The following WFDC5 variants were observed in gnomAD, a reference collection of about 807,000 sequenced individuals.
The protein encoded by WFDC5 is WAP four-disulfide core domain protein 5.
Under a neutral mutation model 15.7 loss-of-function variants are expected in WFDC5, and 15 were observed. The observed-to-expected ratio is 0.96, with a 90% CI of 0.64 to 1.47. The LOEUF is 1.47. Ranked by LOEUF, WFDC5 falls within the 40% of genes most tolerant of loss-of-function variation. The pLI, the probability that WFDC5 is intolerant of heterozygous loss-of-function variation, is 0.00. For missense variants in WFDC5, 280 were observed against 258.0 expected (o/e 1.09, Z -0.59); for synonymous variants, 109 against 107.7 (o/e 1.01, Z -0.07).
chr20:45,109,679 G>A (rs537784023), exon 4 of WFDC5: 2 of 699,780 alleles, frequency 2.9e-6, no homozygotes, highest in South Asian at 3.0e-5. Flanking sequence ...GGGTCTGCCT[G>A]AATTGGGCAT....
At chr20:45,110,919 GT>G in intron 1 of WFDC5, 144 bp from the exon 2 acceptor site, 1 of 1,182,484 alleles carries the variant, frequency 8.5e-7, no homozygotes, top group Non-Finnish European at 1.2e-6. Context: ...TTGTTTGTTT[GT>G]TTATAATGAC....
upstream of WFDC5, chr20:45,115,297 G>C: frequency 1.8e-6 from 1 of 543,712 alleles, no homozygotes; most frequent in Admixed American, 3.1e-5. Context: ...TCCTGCATGT[G>C]GGGGACTCAG....
chr20:45,110,867 C>T, intron 1 of WFDC5, 92 bp from the exon 2 acceptor site: 1 of 1,541,098 alleles, frequency 6.5e-7, no homozygotes, highest in Admixed American at 1.8e-5. Flanking sequence ...AATTCTCCAT[C>T]CCTTGCTTTT....
Position 45,114,991 on chromosome 20 carries a change from G to C in WFDC5, c.85+8C>G. ...GGTCCCCCCAGCAGAGGGATTTCCC[G>C]CACTCACCTCCCTTCTTCCTGCCAA... On this transcript the variant is annotated splice_region_variant and intron_variant, in intron 1 of 3. Coordinates refer to ENST00000307971, the Ensembl canonical transcript of WFDC5. 1.2e-6 allele frequency: 2 copies of C among 1,612,914 alleles called. No homozygotes were observed. Among genetic ancestry groups the C allele is most frequent in the Non-Finnish European group, 1.7e-6 (2 of 1,179,474 alleles).
chr20:45,110,154 CAG>C (rs764994587), intron 3 of WFDC5, 141 bp from the exon 4 acceptor site: 24 of 1,325,056 alleles, frequency 1.8e-5, no homozygotes, highest in Non-Finnish European at 2.4e-5. Context: ...AAAGGGCAAA[CAG>C]AAGCCCAGAG....
In WFDC5 at chr20:45,111,498, C is replaced by T. The variant is rs74448173; in HGVS notation, c.86-723G>A. On this transcript the variant is annotated intron_variant, in intron 1 of 3. Coordinates refer to ENST00000307971, the Ensembl canonical transcript of WFDC5. ...TTTTGAAGTGAGGCCCAGCATTGCA[C>T]GTGCGTCAGCAGTGGCCAGCCTGGT... Among the ~76,000 whole-genome samples the T allele has an allele frequency of 2.7e-3, 406 of 152,290 alleles. 1 individual carries two copies. Among genetic ancestry groups the T allele is most frequent in the African/African-American group, 8.9e-3 (369 of 41,556 alleles).
chr20:45,110,253 C>T, intron 3 of WFDC5, 147 bp downstream of exon 3: 1 of 1,405,462 alleles, frequency 7.1e-7, no homozygotes, highest in Non-Finnish European at 9.5e-7. Context: ...AGCAGGACTC[C>T]TCCAACCCCT....
exon 1 of WFDC5, chr20:45,115,076 GTCC>G: frequency 1.2e-6 from 2 of 1,612,896 alleles, no homozygotes; most frequent in Non-Finnish European, 1.7e-6. Context: ...AAGGCTCTGG[GTCC>G]TCATATTTCT....
chr20:45,113,675 A>T (rs1981680098), intron 1 of WFDC5, among the ~76,000 whole-genome samples: 1 of 152,214 alleles, frequency 6.6e-6, no homozygotes, highest in African/African-American at 2.4e-5. Flanking sequence ...TGGAAGTCCT[A>T]ATAAACTCAT....
At position 45,109,765 on chromosome 20, in the gene WFDC5, G is replaced by T. The variant is rs1198739441; in HGVS notation, c.642C>A (p.Cys214Ter). ...GGTGGGAAGCTCGTATGGCAGTGGT[G>T]CAGAGTACTGGGGTGATACAGAGGC... The change falls in exon 4 of 4, where the codon TGC (cysteine) becomes TGA (stop). Residue 214 changes from cysteine (C) to a stop codon, truncating the protein, a stop_gained. Coordinates refer to ENST00000307971, the Ensembl canonical transcript of WFDC5. LOFTEE classifies it low-confidence loss of function (END_TRUNC). 2.8e-6 allele frequency: 2 copies of T among 720,158 alleles called. No individual in the cohort carries two copies. Among genetic ancestry groups the T allele is most frequent in the African/African-American group, 3.5e-5 (2 of 57,294 alleles). The allele number at this position is 720,158 out of a possible 1,614,324, so 44.6% of individuals were successfully genotyped here. A position where few individuals can be genotyped will look rare whatever the true frequency, so the allele number is the denominator to read the frequency against.
intron 1 of WFDC5, among the ~76,000 whole-genome samples, chr20:45,114,581 C>A (rs944360709): frequency 6.6e-6 from 1 of 152,086 alleles, no homozygotes; most frequent in Non-Finnish European, 1.5e-5. Context: ...CACACATGGA[C>A]AGGCACCAAG....
At chr20:45,114,670 CAT>C (rs1981708777) in intron 1 of WFDC5, among the ~76,000 whole-genome samples, 1 of 152,136 alleles carries the variant, frequency 6.6e-6, no homozygotes, top group South Asian at 2.1e-4. Flanking sequence ...CGCAAAGACA[CAT>C]GTCTACACAG....
chr20:45,110,316 C>G (rs1981573928), intron 3 of WFDC5, 84 bp downstream of exon 3: 2 of 1,531,232 alleles, frequency 1.3e-6, no homozygotes, highest in Middle Eastern at 2.2e-4. Flanking sequence ...GGGAGGCATC[C>G]TGTTAAGCTT....
At chr20:45,115,204 T>G, upstream of WFDC5, 1 of 896,396 alleles carries the variant, frequency 1.1e-6, no homozygotes, top group Non-Finnish European at 1.7e-6. Flanking sequence ...CGTGCCTGCT[T>G]CATCTTGGCC....
Position 45,111,722 on chromosome 20 carries a change from C to T in WFDC5, c.86-947G>A, listed in dbSNP as rs1290591871. Among the ~76,000 whole-genome samples the T allele has an allele frequency of 2.6e-5, 4 of 152,158 alleles. No individual in the cohort carries two copies. The East Asian group carries it at 5.8e-4, about 22-fold the overall frequency. On this transcript the variant is annotated intron_variant, in intron 1 of 3. Coordinates refer to ENST00000307971, the Ensembl canonical transcript of WFDC5. ...CCATGTTCATATTTCATGCACAAAG[C>T]TGGAAATCAGTATCCTCCTCCATGT... is the stretch of plus-strand genomic sequence containing the variant.
intron 1 of WFDC5, among the ~76,000 whole-genome samples, chr20:45,112,702 G>A (rs1981654899): frequency 2.0e-5 from 3 of 152,274 alleles, no homozygotes; most frequent in South Asian, 4.1e-4. Context: ...AAATACACAA[G>A]CACATTTAGA....
intron 1 of WFDC5, among the ~76,000 whole-genome samples, chr20:45,112,343 C>T (rs911768601): frequency 1.3e-5 from 2 of 152,152 alleles, no homozygotes; most frequent in Non-Finnish European, 2.9e-5. Flanking sequence ...TGGCGAGGGG[C>T]CTGGGGCTGG....
Position 45,110,648 on chromosome 20 carries a change from GA to G in WFDC5, c.212del (p.Val71AlafsTer6). 6.2e-7 allele frequency: 1 copy of G among 1,614,044 alleles called. No homozygotes were observed. Among genetic ancestry groups the G allele is most frequent in the Non-Finnish European group, 8.5e-7 (1 of 1,179,974 alleles). On this transcript the variant is annotated frameshift_variant, in exon 2 of 4. Transcript: ENST00000307971. LOFTEE classifies it high-confidence loss of function. ...GGAGGCATTTACCAGAGACCCTGGGGACACACTGGCGGAAGCAAGCTCTGTA... is the reference window on the plus strand; with the variant it reads ...GGAGGCATTTACCAGAGACCCTGGGGCACACTGGCGGAAGCAAGCTCTGTA...
At chr20:45,115,141 GA>G in exon 1 of WFDC5, 1 of 1,535,424 alleles carries the variant, frequency 6.5e-7, no homozygotes. Context: ...CAGCCTCAGG[GA>G]AGCCAGAGAA....
Sources: allele counts gnomAD v4.1 joint callset (sites outside exome capture counted in the v4.1 genomes callset), GRCh38; gene constraint gnomAD v4.1.1; transcripts MANE v1.5; gene names NCBI Gene and HGNC (gene_info 2026-07-23, HGNC 2026-07-21).